ARHGAP22: variants seen among roughly 807,000 people sequenced by gnomAD.
The protein encoded by ARHGAP22 is rho GTPase-activating protein 22.
Under a neutral mutation model 59.1 loss-of-function variants are expected in ARHGAP22, and 48 were observed. The ratio of observed to expected loss-of-function variants is 0.81; its 90% CI spans 0.64 to 1.03. ARHGAP22 has a LOEUF of 1.03. Ranked by LOEUF, ARHGAP22 falls within the 50% of genes least tolerant of loss-of-function variation. The pLI is 0.00. For missense variants in ARHGAP22, 1,015 were observed against 958.7 expected, an observed-to-expected ratio of 1.06 and a Z score of -0.78; for synonymous variants, 445 against 416.4, an observed-to-expected ratio of 1.07 and a Z score of -0.84.
At chr10:48,637,635 T>C (rs1027868999) in intron 1 of ARHGAP22, among the ~76,000 whole-genome samples, 5 of 151,320 alleles carry the variant, frequency 3.3e-5, no homozygotes, top group African/African-American at 9.7e-5. Flanking sequence ...AATGGGTGAA[T>C]AGATGGATGG....
At chr10:48,493,605 G>T (rs552626309) in intron 3 of ARHGAP22, 167 of 1,472,672 alleles carry the variant, frequency 1.1e-4, no homozygotes, top group South Asian at 1.4e-4. Flanking sequence ...GCGGCCACTC[G>T]GCTGCCTGTG....
intron 3 of ARHGAP22, among the ~76,000 whole-genome samples, chr10:48,485,977 T>C (rs1461306222): frequency 1.3e-5 from 2 of 152,324 alleles, no homozygotes; most frequent in Non-Finnish European, 1.5e-5. Flanking sequence ...GATGCTTAGA[T>C]TTAAGTCTGG....
intron 2 of ARHGAP22, among the ~76,000 whole-genome samples, chr10:48,577,702 GAA>G (rs56351715): frequency 0.53 from 79,912 of 150,002 alleles, 22,297 homozygotes; most frequent in East Asian, 0.97. Flanking sequence ...TATTCTCAGA[GAA>G]TACATACAAC....
chr10:48,537,075 G>A (rs2055430162), intron 3 of ARHGAP22, among the ~76,000 whole-genome samples: 1 of 152,134 alleles, frequency 6.6e-6, no homozygotes, highest in East Asian at 1.9e-4. Flanking sequence ...CCTTGCATTT[G>A]CATATCTAAG....
intron 4 of ARHGAP22, among the ~76,000 whole-genome samples, chr10:48,474,837 G>A (rs1017481455): frequency 6.6e-6 from 1 of 151,940 alleles, no homozygotes; most frequent in South Asian, 2.1e-4. Context: ...TAATTCTTTG[G>A]ATTCAGCATG....
At chr10:48,641,971 T>C (rs2062066684) in intron 1 of ARHGAP22, among the ~76,000 whole-genome samples, 1 of 152,106 alleles carries the variant, frequency 6.6e-6, no homozygotes. Context: ...AAATCTTGAG[T>C]GAACTCCCAT....
At chr10:48,530,492 T>G (rs1263393639) in intron 3 of ARHGAP22, among the ~76,000 whole-genome samples, 1 of 151,652 alleles carries the variant, frequency 6.6e-6, no homozygotes, top group Admixed American at 6.6e-5. Flanking sequence ...ACCCACAGAG[T>G]GGGAGAAAAT....
chr10:48,492,807 A>C (rs889289756), intron 3 of ARHGAP22, among the ~76,000 whole-genome samples: 1 of 152,042 alleles, frequency 6.6e-6, no homozygotes, highest in Admixed American at 6.5e-5. Context: ...GCCCACCTCA[A>C]CTCCCAAAGT....
At chr10:48,652,210 C>A in intron 1 of ARHGAP22, 2 of 1,529,706 alleles carry the variant, frequency 1.3e-6, no homozygotes, top group Non-Finnish European at 1.8e-6. Flanking sequence ...TCATTTCCCA[C>A]ATAGAACATA....
At chr10:48,450,202 C>T in intron 9 of ARHGAP22, 59 bp downstream of exon 9, 2 of 1,570,546 alleles carry the variant, frequency 1.3e-6, no homozygotes, top group Non-Finnish European at 8.6e-7. Context: ...GTGCCAAGAG[C>T]ACGGCTCTCC....
At chr10:48,477,322 A>T (rs945560817) in intron 4 of ARHGAP22, among the ~76,000 whole-genome samples, 1 of 152,212 alleles carries the variant, frequency 6.6e-6, no homozygotes, top group African/African-American at 2.4e-5. Context: ...TTTAAGATTC[A>T]TGCATGTAGG....
chr10:48,550,633 G>A (rs906978863), intron 3 of ARHGAP22, among the ~76,000 whole-genome samples: 31 of 152,344 alleles, frequency 2.0e-4, no homozygotes, highest in Non-Finnish European at 4.1e-4. Flanking sequence ...CATGAAATAG[G>A]AAGATGCTGG....
intron 6 of ARHGAP22, among the ~76,000 whole-genome samples, 168 bp downstream of exon 6, chr10:48,454,834 C>T (rs906909903): frequency 1.4e-4 from 21 of 152,140 alleles, no homozygotes; most frequent in Non-Finnish European, 2.2e-4. Flanking sequence ...TGGCCCCTCC[C>T]CCACCCAAGC....
intron 3 of ARHGAP22, among the ~76,000 whole-genome samples, chr10:48,538,510 C>T (rs866579788): frequency 3.3e-5 from 5 of 152,278 alleles, no homozygotes; most frequent in Middle Eastern, 3.4e-3. Context: ...ACGAAGGCAA[C>T]GGACTAGCAG....
At chr10:48,589,790 C>T (rs577516275) in intron 1 of ARHGAP22, among the ~76,000 whole-genome samples, 38 of 152,294 alleles carry the variant, frequency 2.5e-4, no homozygotes, top group Middle Eastern at 3.4e-3. Flanking sequence ...CCACAAGATT[C>T]TCCAAAATAG....
chr10:48,463,848 G>A (rs894750957), intron 4 of ARHGAP22, among the ~76,000 whole-genome samples: 5 of 152,156 alleles, frequency 3.3e-5, no homozygotes, highest in Admixed American at 2.0e-4. Context: ...GGAGGGGACC[G>A]AGCTCTCCAG....
At chr10:48,468,319 G>A (rs1042864529) in intron 4 of ARHGAP22, among the ~76,000 whole-genome samples, 1 of 152,214 alleles carries the variant, frequency 6.6e-6, no homozygotes, top group Non-Finnish European at 1.5e-5. Context: ...GGGCTGGAGA[G>A]GTTAACCTGG....
intron 1 of ARHGAP22, chr10:48,624,802 C>A (rs1423853460): frequency 6.6e-6 from 1 of 152,222 alleles, no homozygotes; most frequent in African/African-American, 2.4e-5. Flanking sequence ...AGTGATTCCA[C>A]CACATTCCAA....
the ARHGAP22 span, chr10:48,439,398 G>T: frequency 1.3e-5 from 2 of 151,618 alleles, no homozygotes; most frequent in Non-Finnish European, 2.9e-5. Flanking sequence ...TCTGTTTGTG[G>T]TAAAGTTTTT....
Sources: gnomAD v4.1 joint callset for allele counts (sites outside exome capture counted in the v4.1 genomes callset) on GRCh38, gnomAD v4.1.1 for gene constraint, MANE v1.5 for transcripts, NCBI Gene and HGNC (gene_info 2026-07-23, HGNC 2026-07-21) for gene names.